CADM2: variants seen among roughly 807,000 people sequenced by gnomAD.
The protein encoded by CADM2 is cell adhesion molecule 2.
A neutral mutation model predicts 49.8 loss-of-function variants in CADM2; 12 were observed. The ratio of observed to expected loss-of-function variants is 0.24; its 90% CI spans 0.15 to 0.39. CADM2 has a LOEUF of 0.39. CADM2 is among the 10% of genes least tolerant of loss of function. The probability of loss-of-function intolerance (pLI) is 1.00; values close to 1 mark genes in which losing one functional copy is unlikely to be tolerated. For synonymous variants in CADM2, 214 were observed against 175.4 expected, an observed-to-expected ratio of 1.22 and a Z score of -1.74; for missense variants, 378 against 492.3, an observed-to-expected ratio of 0.77 and a Z score of 2.20.
chr3:86,005,291 C>A (rs747580499), intron 8 of CADM2, among the ~76,000 whole-genome samples: 3 of 151,994 alleles, frequency 2.0e-5, no homozygotes, highest in African/African-American at 4.8e-5. Context: ...GTGGCTCATG[C>A]CTGTAATCCC....
At chr3:85,685,767 G>A (rs1367056931) in intron 1 of CADM2, among the ~76,000 whole-genome samples, 1 of 151,486 alleles carries the variant, frequency 6.6e-6, no homozygotes, top group Non-Finnish European at 1.5e-5. Context: ...GGGACTACAG[G>A]GCACGTGCCA....
At chr3:85,387,164 CA>C (rs2034276016) in intron 1 of CADM2, among the ~76,000 whole-genome samples, 1 of 152,112 alleles carries the variant, frequency 6.6e-6, no homozygotes, top group Admixed American at 6.5e-5. Flanking sequence ...GAAAGCTGGT[CA>C]GGCTACAGAC....
intron 2 of CADM2, among the ~76,000 whole-genome samples, chr3:85,798,924 G>T (rs1215373466): frequency 6.6e-6 from 1 of 152,040 alleles, no homozygotes; most frequent in African/African-American, 2.4e-5. Context: ...TTTTCCATTT[G>T]TTTTTGTCCC....
At chr3:85,332,933 T>C (rs2044972968) in intron 1 of CADM2, among the ~76,000 whole-genome samples, 1 of 151,916 alleles carries the variant, frequency 6.6e-6, no homozygotes, top group African/African-American at 2.4e-5. Flanking sequence ...AATAGATTAT[T>C]CTCATGGTCC....
chr3:86,037,975 C>T (rs546097902), intron 8 of CADM2, among the ~76,000 whole-genome samples: 2 of 152,176 alleles, frequency 1.3e-5, no homozygotes, highest in East Asian at 3.9e-4. Flanking sequence ...TGCTAATGAT[C>T]TCCCTCCATT....
intron 1 of CADM2, among the ~76,000 whole-genome samples, chr3:85,664,096 T>G (rs1250399668): frequency 6.6e-6 from 1 of 152,034 alleles, no homozygotes; most frequent in African/African-American, 2.4e-5. Context: ...GATTCTCTTC[T>G]GTCTCCTTGA....
At chr3:85,453,888 C>A (rs2037867556) in intron 1 of CADM2, among the ~76,000 whole-genome samples, 1 of 151,844 alleles carries the variant, frequency 6.6e-6, no homozygotes. Context: ...CACTTCACTG[C>A]AATATTTTAG....
intron 1 of CADM2, among the ~76,000 whole-genome samples, chr3:85,210,664 C>T (rs775440056): frequency 1.1e-4 from 17 of 152,162 alleles, no homozygotes; most frequent in Admixed American, 7.2e-4. Context: ...ACCTGAGCCT[C>T]GGAGTAGCTG....
intron 1 of CADM2, among the ~76,000 whole-genome samples, chr3:85,460,857 T>C (rs1421490343): frequency 6.6e-6 from 1 of 151,892 alleles, no homozygotes; most frequent in Non-Finnish European, 1.5e-5. Context: ...CCATGGAAGC[T>C]CTCCTCTAGA....
At position 85,454,175 on chromosome 3, in the gene CADM2, T is replaced by G. The variant is rs182277500; in HGVS notation, c.62-272347T>G. Among the ~76,000 whole-genome samples, 550 of 151,936 alleles carry G rather than the reference T, an allele frequency of 3.6e-3. 4 individuals carry two copies. The highest frequency in any genetic ancestry group is 0.013 in the African/African-American group (528 of 41,442). ...TTCAAGACTAGCCTGGTCAACATGG[T>G]GAAACCCTGTCTTTACTAAAAATAC... On this transcript the variant is annotated intron_variant, in intron 1 of 9. Coordinates refer to ENST00000383699, the MANE Select transcript of CADM2 (RefSeq NM_001167675.2).
intron 1 of CADM2, among the ~76,000 whole-genome samples, chr3:85,623,103 T>C (rs2064024504): frequency 6.6e-6 from 1 of 152,078 alleles, no homozygotes; most frequent in Non-Finnish European, 1.5e-5. Flanking sequence ...AAAGAAGCCA[T>C]AACATGGGCT....
chr3:86,013,475 T>C, intron 8 of CADM2: 2 of 1,599,488 alleles, frequency 1.3e-6, no homozygotes, highest in Non-Finnish European at 1.7e-6. Context: ...TAAATTCTGG[T>C]GAAGAGGTTC....
chr3:85,754,278 A>C (rs577963672), intron 2 of CADM2, among the ~76,000 whole-genome samples: 1 of 152,286 alleles, frequency 6.6e-6, no homozygotes, highest in South Asian at 2.1e-4. Context: ...GGAGACTGCC[A>C]TTCCCTGACA....
intron 1 of CADM2, among the ~76,000 whole-genome samples, chr3:85,397,438 T>C (rs1344319101): frequency 6.6e-6 from 1 of 152,124 alleles, no homozygotes; most frequent in Non-Finnish European, 1.5e-5. Context: ...CCTATGTTCA[T>C]AGCAGGATTG....
intron 1 of CADM2, among the ~76,000 whole-genome samples, chr3:85,193,633 G>C (rs2041265951): frequency 6.6e-6 from 1 of 151,838 alleles, no homozygotes; most frequent in Non-Finnish European, 1.5e-5. Flanking sequence ...ATGGATAGAG[G>C]GTCTCACTTT....
intron 2 of CADM2, among the ~76,000 whole-genome samples, chr3:85,795,202 A>C (rs757225885): frequency 3.3e-5 from 5 of 152,102 alleles, no homozygotes; most frequent in Non-Finnish European, 7.4e-5. Context: ...AATTTGAAAA[A>C]TTAGTAACTT....
At chr3:85,560,359 A>AGG (rs1348512299) in intron 1 of CADM2, among the ~76,000 whole-genome samples, 1 of 152,232 alleles carries the variant, frequency 6.6e-6, no homozygotes, top group Non-Finnish European at 1.5e-5. Flanking sequence ...AGTCCAAGCA[A>AGG]GGTAGCAATT....
At chr3:85,712,953 C>A (rs1370050598) in intron 1 of CADM2, among the ~76,000 whole-genome samples, 1 of 152,092 alleles carries the variant, frequency 6.6e-6, no homozygotes, top group African/African-American at 2.4e-5. Flanking sequence ...GAGATGCTTA[C>A]CACATCTCAG....
At chr3:86,028,223 C>CA (rs371077792) in intron 8 of CADM2, among the ~76,000 whole-genome samples, 10,678 of 115,984 alleles carry the variant, frequency 0.092, 642 homozygotes, top group East Asian at 0.31. Context: ...AAAAAGAAGT[C>CA]AAAAAAAAAA....
Sources: allele counts gnomAD v4.1 joint callset (sites outside exome capture counted in the v4.1 genomes callset), GRCh38; gene constraint gnomAD v4.1.1; transcripts MANE v1.5; gene names NCBI Gene and HGNC (gene_info 2026-07-23, HGNC 2026-07-21).